The following USP26 variants were observed in gnomAD, a reference collection of about 807,000 sequenced individuals.
The protein encoded by USP26 is ubiquitin carboxyl-terminal hydrolase 26.
For synonymous variants in USP26, 236 were observed against 240.6 expected, an observed-to-expected ratio of 0.98 and a Z score of 0.18; for missense variants, 649 against 642.3, an observed-to-expected ratio of 1.01 and a Z score of -0.11.
chrX:133,072,509 G>A, intron 5 of USP26, among the ~76,000 whole-genome samples: 1 of 112,386 alleles, frequency 8.9e-6, no homozygotes. Flanking sequence ...AGAGCATTCT[G>A]TAAATGGCAT....
At position 133,027,333 on chromosome X, in the gene USP26, G is replaced by A. The variant is rs1338621840; in HGVS notation, c.888C>T (p.Gly296=). The A allele has an allele frequency of 5.0e-6, 6 of 1,209,726 alleles. No homozygotes were observed. Among genetic ancestry groups the A allele is most frequent in the Non-Finnish European group, 6.7e-6 (6 of 893,834 alleles). ...AACAGGTGTTTCCCAAATTGGGGAG[G>A]CCGTGGCATATTTTCTCTGGAAATA... is the stretch of plus-strand genomic sequence containing the variant. The part of the protein sequence containing the change: ...FELFPEKICH[G]LPNLGNTCYM... Residue 296 remains glycine, a synonymous_variant, in exon 6 of 6, where the codon GGC becomes GGT. Coordinates refer to ENST00000511190, the MANE Select transcript of USP26 (RefSeq NM_031907.3).
chrX:133,035,049 TGATA>T (rs1272772785), intron 5 of USP26, among the ~76,000 whole-genome samples: 1 of 111,244 alleles, frequency 9.0e-6, no homozygotes, highest in Non-Finnish European at 1.9e-5. Flanking sequence ...TAAGCTACAC[TGATA>T]GTAGAGTATG....
intron 5 of USP26, among the ~76,000 whole-genome samples, chrX:133,049,633 T>G (rs1256564698): frequency 8.9e-6 from 1 of 112,180 alleles, no homozygotes; most frequent in Non-Finnish European, 1.9e-5. Context: ...AGGTGAAAGG[T>G]TAAATTTCTT....
chrX:133,091,799 A>T (rs1392002320), intron 1 of USP26, among the ~76,000 whole-genome samples: 2 of 111,559 alleles, frequency 1.8e-5, no homozygotes, highest in East Asian at 5.7e-4. Flanking sequence ...CACCTCACAC[A>T]ATGTAAGGAC....
intron 5 of USP26, among the ~76,000 whole-genome samples, chrX:133,058,252 T>C (rs1364892669): frequency 9.0e-6 from 1 of 110,544 alleles, no homozygotes; most frequent in African/African-American, 3.3e-5. Flanking sequence ...CTTGAGAATA[T>C]GTATGCTACT....
chrX:133,096,185 G>A (rs1386712706), intron 1 of USP26, among the ~76,000 whole-genome samples: 1 of 101,894 alleles, frequency 9.8e-6, no homozygotes, highest in Non-Finnish European at 1.9e-5. Context: ...AGCCACCACA[G>A]CTAGAGAGGC....
intron 5 of USP26, among the ~76,000 whole-genome samples, chrX:133,062,078 G>A: frequency 8.9e-6 from 1 of 111,748 alleles, no homozygotes; most frequent in Non-Finnish European, 1.9e-5. Flanking sequence ...CTTGGCGTGG[G>A]GAGGGGCTTC....
chrX:133,062,073 C>A (rs1602981694), intron 5 of USP26, among the ~76,000 whole-genome samples: 2 of 111,577 alleles, frequency 1.8e-5, no homozygotes, highest in African/African-American at 6.5e-5. Flanking sequence ...TCGAGCTTGG[C>A]GTGGGGAGGG....
chrX:133,059,701 G>C (rs1412749095), intron 5 of USP26, among the ~76,000 whole-genome samples: 2 of 110,223 alleles, frequency 1.8e-5, no homozygotes, highest in Non-Finnish European at 3.8e-5. Flanking sequence ...GGCTAGCCAG[G>C]CCACTTTTCT....
intron 5 of USP26, among the ~76,000 whole-genome samples, chrX:133,056,103 T>C (rs893844973): frequency 1.8e-5 from 2 of 111,821 alleles, no homozygotes; most frequent in African/African-American, 3.2e-5. Flanking sequence ...AAAAGGGGTA[T>C]AATCAGGGTC....
At chrX:133,074,562 C>T (rs1221505200) in intron 5 of USP26, among the ~76,000 whole-genome samples, 1 of 112,403 alleles carries the variant, frequency 8.9e-6, no homozygotes. Context: ...GCACAACAAA[C>T]AGCCATTCCT....
intron 5 of USP26, among the ~76,000 whole-genome samples, chrX:133,053,471 G>A (rs1263019114): frequency 1.9e-5 from 2 of 106,713 alleles, no homozygotes. Context: ...CTGAGAGACA[G>A]AAGTTGCAGT....
At position 133,025,913 on chromosome X, in the gene USP26, T is replaced by C. The variant is rs757884699; in HGVS notation, c.2308A>G (p.Lys770Glu). The part of the protein sequence containing the change: ...FPKPGTQGHT[K>E]NLLRPTKLNL... ...AATTTTGTAGGTCTTAGGAGGTTCT[T>C]TGTGTGCCCCTGGGTGCCTGGCTTT... The change falls in exon 6 of 6, where the codon AAG becomes GAG. Residue 770 changes from lysine (K) to glutamate (E), a missense_variant. Transcript: ENST00000511190. 20 of 1,211,461 alleles carry C rather than the reference T, an allele frequency of 1.7e-5. No individual in the cohort carries two copies. The highest frequency in any genetic ancestry group is 1.8e-5 in the South Asian group (1 of 56,830).
chrX:133,096,092 C>A (rs1328050565), intron 1 of USP26, among the ~76,000 whole-genome samples: 1 of 68,344 alleles, frequency 1.5e-5, no homozygotes, highest in Non-Finnish European at 2.5e-5. Context: ...GAAATGAGGT[C>A]TCCCTCTGCT....
At chrX:133,034,219 G>A (rs1422598479) in intron 5 of USP26, among the ~76,000 whole-genome samples, 1 of 111,935 alleles carries the variant, frequency 8.9e-6, no homozygotes, top group African/African-American at 3.2e-5. Context: ...TTCAGTGCGT[G>A]TGTGCAGCCA....
intron 5 of USP26, among the ~76,000 whole-genome samples, chrX:133,057,690 A>C (rs1299731154): frequency 9.5e-6 from 1 of 104,938 alleles, no homozygotes; most frequent in Non-Finnish European, 2.0e-5. Flanking sequence ...ACTTTTGCTT[A>C]GTTTAAAATA....
intron 5 of USP26, among the ~76,000 whole-genome samples, chrX:133,044,246 G>T (rs764801613): frequency 8.8e-6 from 1 of 113,291 alleles, no homozygotes; most frequent in African/African-American, 3.2e-5. Context: ...CACTCTTGGC[G>T]CCTCCTCAGC....
chrX:133,023,513 A>C lies in USP26; in HGVS notation c.*1966T>G, dbSNP rs190769416. Among the ~76,000 whole-genome samples, 116 of 111,937 alleles carry C rather than the reference A, an allele frequency of 1.0e-3. No individual in the cohort carries two copies. Among genetic ancestry groups the C allele is most frequent in the African/African-American group, 3.7e-3 (115 of 30,826 alleles). On this transcript the variant is annotated 3_prime_UTR_variant, in exon 6 of 6. Transcript: ENST00000511190. ...AACTACTCTAGAGGCCAAAAAACTG[A>C]AATTTAGAAACCAAACTGTCACTCT...
chrX:133,061,819 T>C (rs1364974905), intron 5 of USP26, among the ~76,000 whole-genome samples: 1 of 111,777 alleles, frequency 8.9e-6, no homozygotes, highest in Non-Finnish European at 1.9e-5. Context: ...TCTGTGCTTA[T>C]ACCACCAGGC....
Sources: gnomAD v4.1 joint callset for allele counts (sites outside exome capture counted in the v4.1 genomes callset) on GRCh38, gnomAD v4.1.1 for gene constraint, MANE v1.5 for transcripts, NCBI Gene and HGNC (gene_info 2026-07-23, HGNC 2026-07-21) for gene names.